CNTNAP2: variants seen among roughly 807,000 people sequenced by gnomAD.
CNTNAP2 encodes the protein contactin-associated protein-like 2.
A neutral mutation model predicts 155.2 loss-of-function variants in CNTNAP2; 98 were observed. That is an observed-to-expected ratio of 0.63 (90% CI 0.54 to 0.75). The LOEUF (loss-of-function observed/expected upper bound fraction) is 0.75, where lower values mean the gene tolerates loss of function less well. CNTNAP2 is among the 30% of genes least tolerant of loss of function. The pLI, the probability that CNTNAP2 is intolerant of heterozygous loss-of-function variation, is 0.00. For missense variants in CNTNAP2, 1,727 were observed against 1,688.1 expected, an observed-to-expected ratio of 1.02 and a Z score of -0.40; for synonymous variants, 651 against 631.2, an observed-to-expected ratio of 1.03 and a Z score of -0.47.
intron 13 of CNTNAP2, among the ~76,000 whole-genome samples, chr7:147,872,966 A>G (rs1344047176): frequency 6.6e-6 from 1 of 152,240 alleles, no homozygotes; most frequent in Non-Finnish European, 1.5e-5. Context: ...ACCATTCAAT[A>G]CATGTGCTGA....
chr7:146,289,732 C>A (rs1203265604), intron 1 of CNTNAP2, among the ~76,000 whole-genome samples: 2 of 152,126 alleles, frequency 1.3e-5, no homozygotes, highest in East Asian at 1.9e-4. Flanking sequence ...CACACACAAT[C>A]TCTTTTACTA....
At chr7:146,775,587 GGA>G (rs1376465372) in intron 2 of CNTNAP2, among the ~76,000 whole-genome samples, 1 of 150,278 alleles carries the variant, frequency 6.7e-6, no homozygotes, top group African/African-American at 2.4e-5. Context: ...AGGGAGGGAG[GGA>G]GAGAGGAAGG....
chr7:147,773,557 C>A (rs904668063), intron 13 of CNTNAP2, among the ~76,000 whole-genome samples: 52 of 152,148 alleles, frequency 3.4e-4, no homozygotes, highest in African/African-American at 1.2e-3. Flanking sequence ...AACATATAGT[C>A]CAAAACAACA....
At position 147,462,396 on chromosome 7, in the gene CNTNAP2, C is replaced by A. The variant is rs1329707711; in HGVS notation, c.1671-23539C>A. 3.3e-5 allele frequency among the ~76,000 whole-genome samples: 5 copies of A among 152,298 alleles called. No individual in the cohort carries two copies. In the East Asian group the frequency reaches 9.6e-4, roughly 29 times the overall value. Reference sequence around the variant, plus strand: ...AATGTAAAGTACTGCTTACTTCTCACTAGTGGTTTCTTCAATAGACCTTAA... The same window carrying A: ...AATGTAAAGTACTGCTTACTTCTCAATAGTGGTTTCTTCAATAGACCTTAA... On this transcript the variant is annotated intron_variant, in intron 10 of 23. Transcript: ENST00000361727.
intron 13 of CNTNAP2, among the ~76,000 whole-genome samples, chr7:147,665,179 T>C (rs1795674498): frequency 6.6e-6 from 1 of 152,218 alleles, no homozygotes; most frequent in South Asian, 2.1e-4. Context: ...TCTGAAACTA[T>C]AGGTGTATTT....
chr7:147,076,908 T>G (rs992500034), intron 4 of CNTNAP2, among the ~76,000 whole-genome samples: 1 of 152,192 alleles, frequency 6.6e-6, no homozygotes, highest in African/African-American at 2.4e-5. Flanking sequence ...GCTACTTCTC[T>G]TTTAATGGAC....
At chr7:147,179,076 A>G (rs1802406510) in intron 8 of CNTNAP2, among the ~76,000 whole-genome samples, 3 of 152,164 alleles carry the variant, frequency 2.0e-5, no homozygotes. Flanking sequence ...CTGAGACTCC[A>G]TATCCTTACT....
intron 1 of CNTNAP2, among the ~76,000 whole-genome samples, chr7:146,562,495 C>T (rs749762657): frequency 8.5e-5 from 13 of 152,054 alleles, no homozygotes; most frequent in Non-Finnish European, 1.3e-4. Context: ...AACAACATGA[C>T]GCATTTTAAG....
rs1085307540 is a variant in CNTNAP2, at chr7:147,977,887, T to C, written c.2281T>C (p.Tyr761His). ...QWRKDAGFLS[Y>H]KDHLPVSQVV... is the part of the protein sequence containing the mutation. ...GAGGAAGGATGCTGGTTTCTTATCA[T>C]ACAAAGATCACCTGCCAGTGAGCCA... Residue 761 changes from tyrosine to histidine, a missense_variant, in exon 15 of 24, where the codon TAC (tyrosine) becomes CAC (histidine). Tyr to His is a moderately conservative substitution (Grantham distance 83). Coordinates refer to ENST00000361727, the MANE Select transcript of CNTNAP2 (RefSeq NM_014141.6). 6 of 1,614,032 alleles carry C rather than the reference T, an allele frequency of 3.7e-6. No homozygotes were observed. In the African/African-American group the frequency reaches 8.0e-5, roughly 22 times the overall value.
intron 12 of CNTNAP2, among the ~76,000 whole-genome samples, chr7:147,576,699 G>A (rs766112355): frequency 2.0e-5 from 3 of 152,096 alleles, no homozygotes; most frequent in Non-Finnish European, 4.4e-5. Flanking sequence ...GTGAACATCA[G>A]TAATTTCTTC....
intron 1 of CNTNAP2, among the ~76,000 whole-genome samples, chr7:146,331,793 T>C (rs1801192237): frequency 6.6e-6 from 1 of 152,194 alleles, no homozygotes; most frequent in Admixed American, 6.5e-5. Flanking sequence ...GAATGTGCAG[T>C]CATCTCTAAC....
chr7:147,085,170 C>T (rs999261597), intron 4 of CNTNAP2, among the ~76,000 whole-genome samples: 3 of 152,108 alleles, frequency 2.0e-5, no homozygotes, highest in African/African-American at 7.2e-5. Flanking sequence ...ATTATAGCAT[C>T]TTTAATGACT....
chr7:147,127,267 A>G (rs532211140), intron 6 of CNTNAP2, among the ~76,000 whole-genome samples: 1 of 152,128 alleles, frequency 6.6e-6, no homozygotes, highest in East Asian at 1.9e-4. Flanking sequence ...TCTTTGGGAT[A>G]TATTTTTCCT....
At chr7:147,164,276 G>A (rs1355813738) in intron 8 of CNTNAP2, among the ~76,000 whole-genome samples, 1 of 152,158 alleles carries the variant, frequency 6.6e-6, no homozygotes, top group Non-Finnish European at 1.5e-5. Context: ...ACCCAATAGA[G>A]GCTGCTTATT....
intron 12 of CNTNAP2, among the ~76,000 whole-genome samples, chr7:147,629,275 T>C (rs957837837): frequency 1.3e-5 from 2 of 151,912 alleles, no homozygotes; most frequent in Non-Finnish European, 2.9e-5. Flanking sequence ...ACGTGATGGG[T>C]GCCTGTAATC....
intron 2 of CNTNAP2, among the ~76,000 whole-genome samples, chr7:146,811,463 C>T (rs573925737): frequency 1.6e-4 from 24 of 151,858 alleles, no homozygotes; most frequent in East Asian, 9.7e-4. Flanking sequence ...TTTGTATTTC[C>T]GTGGTATCGG....
intron 1 of CNTNAP2, among the ~76,000 whole-genome samples, chr7:146,537,859 G>A (rs1398614466): frequency 6.6e-6 from 1 of 152,008 alleles, no homozygotes; most frequent in Non-Finnish European, 1.5e-5. Context: ...GGAGAGAGCA[G>A]GCATAGAGGT....
In CNTNAP2 at chr7:146,582,567, T is replaced by A. The variant is rs143141070; in HGVS notation, c.98-191704T>A. On this transcript the variant is annotated intron_variant, in intron 1 of 23. Coordinates refer to ENST00000361727, the MANE Select transcript of CNTNAP2 (RefSeq NM_014141.6). ...TTTGAAAGTCACAAGGTCAGACACT[T>A]GGAATTGCAGGTGTTGATTTGTGAT... Among the ~76,000 whole-genome samples, 5 of 152,280 alleles carry A rather than the reference T, an allele frequency of 3.3e-5. No homozygotes were observed. The East Asian group carries it at 9.6e-4, about 29-fold the overall frequency.
chr7:147,432,643 T>C (rs1797484693), intron 10 of CNTNAP2, among the ~76,000 whole-genome samples: 1 of 152,118 alleles, frequency 6.6e-6, no homozygotes, highest in Admixed American at 6.5e-5. Context: ...TTCCACACAA[T>C]TTCTCTCCTC....
Sources: allele counts gnomAD v4.1 joint callset (sites outside exome capture counted in the v4.1 genomes callset), GRCh38; gene constraint gnomAD v4.1.1; transcripts MANE v1.5; gene names NCBI Gene and HGNC (gene_info 2026-07-23, HGNC 2026-07-21).